CFAP91: variants seen among roughly 807,000 people sequenced by gnomAD.
The protein encoded by CFAP91 is cilia- and flagella-associated protein 91.
In CFAP91, 85 loss-of-function variants were observed where a neutral mutation model predicts 95.9. The ratio of observed to expected loss-of-function variants is 0.89; its 90% CI spans 0.74 to 1.06. CFAP91 has a LOEUF of 1.06. Among genes scored for constraint, CFAP91 ranks in the 50% least tolerant of loss-of-function variants. The pLI is 0.00. For missense variants in CFAP91, 962 were observed against 943.4 expected (o/e 1.02, Z -0.26); for synonymous variants, 335 against 327.5 (o/e 1.02, Z -0.25).
chr3:119,718,010 G>A (rs981535383), intron 6 of CFAP91, among the ~76,000 whole-genome samples: 8 of 152,110 alleles, frequency 5.3e-5, no homozygotes, highest in African/African-American at 1.9e-4. Flanking sequence ...ATGAATTTAG[G>A]TAGTAGCCAC....
intron 6 of CFAP91, among the ~76,000 whole-genome samples, chr3:119,720,746 G>A (rs1485765190): frequency 1.3e-5 from 2 of 152,134 alleles, no homozygotes; most frequent in Admixed American, 1.3e-4. Flanking sequence ...ATTGATTTTA[G>A]GACCCTCCAA....
intron 13 of CFAP91, among the ~76,000 whole-genome samples, chr3:119,741,880 G>T (rs1434484691): frequency 6.6e-6 from 1 of 152,156 alleles, no homozygotes; most frequent in East Asian, 1.9e-4. Flanking sequence ...CTTTTGGGGG[G>T]TGAGGCAGAA....
chr3:119,722,611 C>T (rs1367806508), intron 6 of CFAP91, among the ~76,000 whole-genome samples: 1 of 152,116 alleles, frequency 6.6e-6, no homozygotes, highest in African/African-American at 2.4e-5. Context: ...ACCCCATCCT[C>T]CCAAGTAGCT....
chr3:119,744,521 A>G (rs2054186003), intron 14 of CFAP91, among the ~76,000 whole-genome samples: 1 of 152,168 alleles, frequency 6.6e-6, no homozygotes, highest in Admixed American at 6.5e-5. Context: ...GGCTGGAGGG[A>G]GGACAGAGGG....
chr3:119,756,681 G>C (rs2054437066), intron 17 of CFAP91, among the ~76,000 whole-genome samples: 1 of 152,106 alleles, frequency 6.6e-6, no homozygotes, highest in African/African-American at 2.4e-5. Context: ...AGTATAAGTT[G>C]ACATTGATAA....
At chr3:119,741,955 G>T (rs1332451493) in intron 13 of CFAP91, among the ~76,000 whole-genome samples, 1 of 152,172 alleles carries the variant, frequency 6.6e-6, no homozygotes, top group Non-Finnish European at 1.5e-5. Flanking sequence ...AGAGGAGAAT[G>T]TCAACACTGG....
chr3:119,709,118 TA>T (rs1194654849), intron 4 of CFAP91, among the ~76,000 whole-genome samples: 1 of 152,228 alleles, frequency 6.6e-6, no homozygotes, highest in East Asian at 1.9e-4. Flanking sequence ...GAATCTTGCC[TA>T]AACCAACAAG....
At chr3:119,732,156 C>T (rs932715292) in intron 8 of CFAP91, 138 bp from the exon 9 acceptor site, 1 of 613,502 alleles carries the variant, frequency 1.6e-6, no homozygotes. Context: ...ATGTTACATT[C>T]TGGCTGTCGT....
In CFAP91 at chr3:119,706,859, C is replaced by T. The variant is rs1308633235; in HGVS notation, c.175C>T (p.Gln59Ter). ...SEKDHTQANI[Q>*]ATLIRSRLRK... is the part of the protein sequence containing the mutation. The stretch of plus-strand genomic sequence containing the variant: ...GAAAGACCATACACAGGCAAATATC[C>T]AAGCTACCCTGATTCGCAGCAGACT... The change falls in exon 2 of 18, where the codon CAA becomes TAA. Residue 59 changes from glutamine to a stop codon, truncating the protein, a stop_gained. Transcript: ENST00000273390. LOFTEE classifies it high-confidence loss of function. The T allele has an allele frequency of 3.7e-6, 6 of 1,612,954 alleles. No individual in the cohort carries two copies. Among genetic ancestry groups the T allele is most frequent in the Non-Finnish European group, 5.1e-6 (6 of 1,179,694 alleles).
chr3:119,710,807 G>A (rs1310690727), intron 5 of CFAP91, among the ~76,000 whole-genome samples: 1 of 152,212 alleles, frequency 6.6e-6, no homozygotes, highest in East Asian at 1.9e-4. Flanking sequence ...CCACAACGGA[G>A]TGAACCAAGG....
chr3:119,709,691 T>A, intron 4 of CFAP91, 148 bp from the exon 5 acceptor site: 1 of 654,424 alleles, frequency 1.5e-6, no homozygotes, highest in Non-Finnish European at 2.7e-6. Flanking sequence ...CCTGCAGTGA[T>A]TTTTTATGTC....
chr3:119,752,940 T>C (rs954208094), intron 17 of CFAP91, among the ~76,000 whole-genome samples: 3 of 152,040 alleles, frequency 2.0e-5, no homozygotes, highest in Non-Finnish European at 4.4e-5. Context: ...CCAAAGTATA[T>C]CCTCCCTCTT....
intron 17 of CFAP91, among the ~76,000 whole-genome samples, chr3:119,762,240 T>C (rs763541380): frequency 5.2e-4 from 73 of 139,674 alleles, no homozygotes; most frequent in Non-Finnish European, 9.5e-4. Flanking sequence ...TTATAATAGC[T>C]ACAAGGAAAA....
intron 17 of CFAP91, among the ~76,000 whole-genome samples, chr3:119,759,724 T>C (rs995688647): frequency 1.3e-5 from 2 of 151,956 alleles, no homozygotes; most frequent in Non-Finnish European, 2.9e-5. Context: ...AATTATGAAA[T>C]TGAAAACACA....
At chr3:119,751,927 A>C (rs2107914531) in intron 17 of CFAP91, among the ~76,000 whole-genome samples, 1 of 152,332 alleles carries the variant, frequency 6.6e-6, no homozygotes, top group South Asian at 2.1e-4. Flanking sequence ...GTTTTCTATT[A>C]GGTATACATT....
At chr3:119,759,672 C>A (rs1254746464) in intron 17 of CFAP91, among the ~76,000 whole-genome samples, 1 of 151,826 alleles carries the variant, frequency 6.6e-6, no homozygotes. Context: ...AAAATAATAT[C>A]TACAATAATT....
chr3:119,746,222 T>G (rs1435051810), intron 14 of CFAP91, among the ~76,000 whole-genome samples: 1 of 152,230 alleles, frequency 6.6e-6, no homozygotes, highest in Non-Finnish European at 1.5e-5. Context: ...CATGGTGGCC[T>G]TCTGAGATAC....
At chr3:119,721,581 C>T (rs1310297418) in intron 6 of CFAP91, among the ~76,000 whole-genome samples, 1 of 152,122 alleles carries the variant, frequency 6.6e-6, no homozygotes, top group African/African-American at 2.4e-5. Context: ...GTATTTAGCT[C>T]GTGGGACAGG....
chr3:119,722,125 C>G (rs934541490), intron 6 of CFAP91, among the ~76,000 whole-genome samples: 2 of 147,806 alleles, frequency 1.4e-5, no homozygotes, highest in Admixed American at 6.8e-5. Context: ...TACAGTGAAC[C>G]ATGATCTTGC....
Sources: gnomAD v4.1 joint callset for allele counts (sites outside exome capture counted in the v4.1 genomes callset) on GRCh38, gnomAD v4.1.1 for gene constraint, MANE v1.5 for transcripts, NCBI Gene and HGNC (gene_info 2026-07-23, HGNC 2026-07-21) for gene names.